Variants in ARMC2 observed in about 807,000 individuals in gnomAD.
ARMC2 encodes armadillo repeat containing 2, also known as armadillo repeat-containing protein 2.
In ARMC2, 67 loss-of-function variants were observed where a neutral mutation model predicts 90.3. The observed-to-expected ratio is 0.74, with a 90% confidence interval of 0.61 to 0.91. ARMC2 has a LOEUF of 0.91. Ranked by LOEUF, ARMC2 falls within the 40% of genes least tolerant of loss-of-function variation. The pLI, the probability that ARMC2 is intolerant of heterozygous loss-of-function variation, is 0.00. For missense variants in ARMC2, 920 were observed against 1,030.9 expected, an observed-to-expected ratio of 0.89 and a Z score of 1.47; for synonymous variants, 393 against 393.0, an observed-to-expected ratio of 1.00 and a Z score of 0.00.
At chr6:108,909,705 T>G (rs1251623146) in intron 8 of ARMC2, among the ~76,000 whole-genome samples, 1 of 152,000 alleles carries the variant, frequency 6.6e-6, no homozygotes, top group Non-Finnish European at 1.5e-5. Flanking sequence ...CCAGCTAATT[T>G]TTGTATTTTT....
chr6:108,874,196 AGCTCTTC>A (rs1288660868), intron 4 of ARMC2, among the ~76,000 whole-genome samples: 5 of 152,186 alleles, frequency 3.3e-5, no homozygotes, highest in African/African-American at 1.2e-4. Flanking sequence ...CCCCCAGGGC[AGCTCTTC>A]GTTGTAGTAA....
chr6:108,899,328 TCCTTATTCTTTATATATCTATAGTTA>T (rs1771901352), intron 6 of ARMC2, among the ~76,000 whole-genome samples: 1 of 152,206 alleles, frequency 6.6e-6, no homozygotes, highest in Non-Finnish European at 1.5e-5. Context: ...ATTTTTAAAA[TCCTTATTCTTTATATATCTATAGTTA>T]CCTATTCTAC....
At chr6:108,924,824 T>C (rs948547995) in intron 10 of ARMC2, among the ~76,000 whole-genome samples, 3 of 152,098 alleles carry the variant, frequency 2.0e-5, no homozygotes, top group South Asian at 4.1e-4. Flanking sequence ...GGGGGCAAAC[T>C]GTGGAAGGAG....
At chr6:108,997,647 C>T in the ARMC2 span, among the ~76,000 whole-genome samples, 1 of 152,154 alleles carries the variant, frequency 6.6e-6, no homozygotes, top group Non-Finnish European at 1.5e-5. Context: ...TACAAAAGAA[C>T]TGAGATTCAG....
intron 17 of ARMC2, among the ~76,000 whole-genome samples, chr6:108,970,855 G>A (rs67708237): frequency 0.19 from 28,381 of 152,058 alleles, 3,136 homozygotes; most frequent in African/African-American, 0.31. Flanking sequence ...TTTTTATACA[G>A]CAGAATTCAC....
chr6:108,991,330 C>T, the ARMC2 span, among the ~76,000 whole-genome samples: 2 of 152,172 alleles, frequency 1.3e-5, no homozygotes, highest in South Asian at 2.1e-4. Context: ...CAGTCTCCAA[C>T]TGCTGGGCTC....
intron 8 of ARMC2, chr6:108,907,886 T>C (rs1772953722): frequency 6.2e-7 from 1 of 1,603,870 alleles, no homozygotes; most frequent in African/African-American, 1.3e-5. Context: ...AGAGTCCTGG[T>C]GTCCGCTGTG....
At chr6:108,989,070 T>C in the ARMC2 span, among the ~76,000 whole-genome samples, 77 of 152,320 alleles carry the variant, frequency 5.1e-4, no homozygotes, top group African/African-American at 1.9e-3. Flanking sequence ...TGGTGCTATC[T>C]TGGCTTATTG....
rs371204920 is a variant in ARMC2 at position 108,886,569 on chromosome 6, C to CACAA, written c.672-7881_672-7878dup. On this transcript the variant is annotated intron_variant, in intron 5 of 17. Transcript: ENST00000392644. ...CTGGGCGACAGAGCGATACTCGTCTCACAAACAAACAAACAAACAATATAA... is the reference window on the plus strand; with the variant it reads ...CTGGGCGACAGAGCGATACTCGTCTCACAAACAAACAAACAAACAAACAATATAA... Among the ~76,000 whole-genome samples the CACAA allele has an allele frequency of 4.4e-3, 667 of 152,248 alleles. 4 individuals carry two copies. Among genetic ancestry groups the CACAA allele is most frequent in the African/African-American group, 0.015 (611 of 41,534 alleles).
At chr6:108,939,178 T>G (rs1265423470) in intron 12 of ARMC2, among the ~76,000 whole-genome samples, 1 of 152,218 alleles carries the variant, frequency 6.6e-6, no homozygotes, top group Non-Finnish European at 1.5e-5. Context: ...TAAACTAATT[T>G]TCACGTTAGA....
chr6:108,946,067 CT>C (rs977046782), intron 12 of ARMC2, among the ~76,000 whole-genome samples: 4 of 152,244 alleles, frequency 2.6e-5, no homozygotes, highest in African/African-American at 7.2e-5. Flanking sequence ...GTCTGCGCCC[CT>C]GACCGGGCAG....
chr6:109,044,529 A>G, the ARMC2 span, among the ~76,000 whole-genome samples: 2 of 151,930 alleles, frequency 1.3e-5, no homozygotes, highest in African/African-American at 4.8e-5. Flanking sequence ...TTTAATATAT[A>G]AGACTAAAAA....
chr6:108,936,629 A>G (rs915931705), intron 11 of ARMC2, among the ~76,000 whole-genome samples: 1 of 152,136 alleles, frequency 6.6e-6, no homozygotes, highest in Non-Finnish European at 1.5e-5. Flanking sequence ...ATTTCATATA[A>G]ATTTCATGTA....
intron 1 of ARMC2, among the ~76,000 whole-genome samples, chr6:108,851,014 T>C (rs957848150): frequency 1.3e-5 from 2 of 152,226 alleles, no homozygotes; most frequent in Non-Finnish European, 2.9e-5. Context: ...TCACTACTTC[T>C]GATCTTTGCC....
intron 12 of ARMC2, among the ~76,000 whole-genome samples, chr6:108,949,226 G>A (rs947714752): frequency 4.6e-5 from 7 of 152,166 alleles, no homozygotes; most frequent in African/African-American, 1.7e-4. Flanking sequence ...CAGGAACATG[G>A]TGAAGTCCAA....
chr6:108,987,727 C>A, the ARMC2 span: 1 of 664,746 alleles, frequency 1.5e-6, no homozygotes, highest in Admixed American at 2.2e-5. Flanking sequence ...AGTACACTTC[C>A]TACACTTCCT....
the ARMC2 span, among the ~76,000 whole-genome samples, chr6:109,028,965 T>C: frequency 2.0e-5 from 3 of 152,218 alleles, no homozygotes; most frequent in African/African-American, 7.2e-5. Flanking sequence ...CCTTTATGTA[T>C]ATTAACTGTC....
chr6:109,045,423 C>G, the ARMC2 span, among the ~76,000 whole-genome samples: 9 of 152,080 alleles, frequency 5.9e-5, no homozygotes, highest in African/African-American at 2.2e-4. Flanking sequence ...TTCCCCCTAA[C>G]TTTCAAAATA....
chr6:109,039,645 T>C, the ARMC2 span, among the ~76,000 whole-genome samples: 6 of 152,190 alleles, frequency 3.9e-5, no homozygotes, highest in Non-Finnish European at 8.8e-5. Flanking sequence ...CCAAAATATA[T>C]AGATGATTTA....
Sources: allele counts gnomAD v4.1 joint callset (sites outside exome capture counted in the v4.1 genomes callset), GRCh38; gene constraint gnomAD v4.1.1; transcripts MANE v1.5; gene names NCBI Gene and HGNC (gene_info 2026-07-23, HGNC 2026-07-21).